APBA2: variants seen among roughly 807,000 people sequenced by gnomAD.
APBA2 encodes the protein amyloid-beta A4 precursor protein-binding family A member 2.
In APBA2, 30 loss-of-function variants were observed where a neutral mutation model predicts 75.0. The observed-to-expected ratio is 0.40, with a 90% CI of 0.30 to 0.54. The LOEUF is 0.54. Ranked by LOEUF, APBA2 falls within the 20% of genes least tolerant of loss-of-function variation. The pLI, the probability that APBA2 is intolerant of heterozygous loss-of-function variation, is 0.49. For synonymous variants in APBA2, 444 were observed against 409.6 expected (o/e 1.08, Z -1.01); for missense variants, 801 against 1,016.1 (o/e 0.79, Z 2.88).
intron 4 of APBA2, among the ~76,000 whole-genome samples, chr15:29,067,174 C>G (rs1046741154): frequency 1.3e-5 from 2 of 152,162 alleles, no homozygotes; most frequent in African/African-American, 4.8e-5. Context: ...AAGATTCACC[C>G]CATGATCCAG....
intron 2 of APBA2, among the ~76,000 whole-genome samples, chr15:28,987,725 GAGAGATATATATATATATAT>G (rs2037996309): frequency 8.4e-6 from 1 of 118,592 alleles, no homozygotes; most frequent in East Asian, 3.4e-4. Flanking sequence ...AATATGTGGA[GAGAGATATATATATATATAT>G]ATATATATTC....
At chr15:28,996,873 G>A (rs1239067037) in intron 3 of APBA2, among the ~76,000 whole-genome samples, 1 of 152,248 alleles carries the variant, frequency 6.6e-6, no homozygotes, top group Non-Finnish European at 1.5e-5. Flanking sequence ...GTGTGTCCCA[G>A]TGTGGAATCT....
rs138232890 is a variant in APBA2 at position 29,073,631 on chromosome 15, C to T, written c.952-1290C>T. On this transcript the variant is annotated intron_variant, in intron 4 of 14. Coordinates refer to ENST00000683413, the MANE Select transcript of APBA2 (RefSeq NM_001353788.2). ...CCTCCCAAAGTACTGGGATTACAGGCGTGAGCCACTGTGCCCAGCTGGTAA... is the reference window on the plus strand; with the variant it reads ...CCTCCCAAAGTACTGGGATTACAGGTGTGAGCCACTGTGCCCAGCTGGTAA... 4.5e-3 allele frequency among the ~76,000 whole-genome samples: 693 copies of T among 152,322 alleles called. 8 individuals carry two copies. The highest frequency in any genetic ancestry group is 0.016 in the African/African-American group (653 of 41,574).
Position 28,984,257 on chromosome 15 carries a change from C to T in APBA2, c.-94-11496C>T, listed in dbSNP as rs558749640. ...GGGGGAGTGAGGGCAGGGGGAGCTG[C>T]GGAGGCAGGGCTCTGAGGGCTTTAG... On this transcript the variant is annotated intron_variant, in intron 2 of 14. Coordinates refer to ENST00000683413, the MANE Select transcript of APBA2 (RefSeq NM_001353788.2). Among the ~76,000 whole-genome samples the T allele has an allele frequency of 2.8e-4, 42 of 152,162 alleles. 1 individual carries two copies. The South Asian group carries it at 7.9e-3, about 29-fold the overall frequency.
intron 1 of APBA2, among the ~76,000 whole-genome samples, chr15:28,892,235 T>C (rs143003056): frequency 0.43 from 65,254 of 151,968 alleles, 14,337 homozygotes; most frequent in Non-Finnish European, 0.47. Flanking sequence ...CCACCACGCC[T>C]GGTTAATTTT....
chr15:29,096,003 T>C (rs1398126911), intron 8 of APBA2, among the ~76,000 whole-genome samples: 1 of 152,166 alleles, frequency 6.6e-6, no homozygotes, highest in Non-Finnish European at 1.5e-5. Context: ...CTGCCGCCTT[T>C]AGAGGGGTTG....
chr15:29,063,822 G>A lies in APBA2; in HGVS notation c.951+8987G>A, dbSNP rs533587736. Reference sequence around the variant, plus strand: ...TGGGTACAGGCCATGCTGGGCAGGGGTGAGGACACTAGTGGACCTGTCCTC... The same window carrying A: ...TGGGTACAGGCCATGCTGGGCAGGGATGAGGACACTAGTGGACCTGTCCTC... On this transcript the variant is annotated intron_variant, in intron 4 of 14. Transcript: ENST00000683413. Among the ~76,000 whole-genome samples, 206 of 152,152 alleles carry A rather than the reference G, an allele frequency of 1.4e-3. 1 individual carries two copies. Among genetic ancestry groups the A allele is most frequent in the African/African-American group, 4.6e-3 (192 of 41,474 alleles).
chr15:29,062,038 A>T (rs2042150696), intron 4 of APBA2, among the ~76,000 whole-genome samples: 1 of 152,028 alleles, frequency 6.6e-6, no homozygotes. Context: ...CCTGGCCCAC[A>T]GTAGGATGGA....
rs764203983 is a variant in APBA2, at chr15:29,098,550, A to G, written c.1312A>G (p.Ile438Val). Residue 438 changes from isoleucine (I) to valine (V), a missense_variant, in exon 9 of 15, where the codon ATC becomes GTC. Coordinates refer to ENST00000683413, the MANE Select transcript of APBA2 (RefSeq NM_001353788.2). ...EVDLFISTQR[I>V]KVLNADTQET... ...GGACCTCTTCATTTCCACCCAGAGG[A>G]TCAAGGTTTTAAATGCAGACACGCA... 6.2e-7 allele frequency: 1 copy of G among 1,614,134 alleles called. No individual in the cohort carries two copies. Among genetic ancestry groups the G allele is most frequent in the Non-Finnish European group, 8.5e-7 (1 of 1,179,988 alleles).
intron 6 of APBA2, among the ~76,000 whole-genome samples, chr15:29,083,503 G>T (rs2043166214): frequency 6.6e-6 from 1 of 151,978 alleles, no homozygotes; most frequent in Admixed American, 6.6e-5. Context: ...AAACTAGCTT[G>T]TCTGGTTATT....
chr15:29,100,493 G>A (rs771989175), intron 9 of APBA2, among the ~76,000 whole-genome samples: 1 of 152,236 alleles, frequency 6.6e-6, no homozygotes, highest in Non-Finnish European at 1.5e-5. Flanking sequence ...TGAGCTTTGT[G>A]TGCAGTCTTG....
At chr15:28,922,297 C>G (rs2034011630) in intron 2 of APBA2, among the ~76,000 whole-genome samples, 1 of 152,166 alleles carries the variant, frequency 6.6e-6, no homozygotes, top group Non-Finnish European at 1.5e-5. Flanking sequence ...TGCCTTGACC[C>G]AGGTAGCCAG....
At chr15:28,997,978 G>T (rs1007230775) in intron 3 of APBA2, among the ~76,000 whole-genome samples, 8 of 152,100 alleles carry the variant, frequency 5.3e-5, no homozygotes, top group African/African-American at 1.7e-4. Flanking sequence ...CAAGGAGATG[G>T]ATATTTTTAA....
At chr15:28,951,588 T>A (rs1479232711) in intron 2 of APBA2, among the ~76,000 whole-genome samples, 1 of 151,880 alleles carries the variant, frequency 6.6e-6, no homozygotes, top group Non-Finnish European at 1.5e-5. Context: ...AGTTTTTTTT[T>A]ATTTTTTTAT....
intron 3 of APBA2, among the ~76,000 whole-genome samples, chr15:29,038,962 A>C (rs535604001): frequency 6.6e-6 from 1 of 152,106 alleles, no homozygotes; most frequent in Admixed American, 6.5e-5. Flanking sequence ...GTGAGCCACT[A>C]CGCCTGGCGC....
chr15:28,939,871 C>T (rs1179351082), intron 2 of APBA2, among the ~76,000 whole-genome samples: 1 of 152,128 alleles, frequency 6.6e-6, no homozygotes, highest in African/African-American at 2.4e-5. Flanking sequence ...AGAAACAGAG[C>T]CGTAAGGACT....
intron 2 of APBA2, among the ~76,000 whole-genome samples, chr15:28,925,379 C>A (rs1566804171): frequency 2.0e-5 from 3 of 152,124 alleles, no homozygotes; most frequent in Admixed American, 1.3e-4. Flanking sequence ...ATAATTCCAG[C>A]TTCATAAAGT....
At chr15:28,948,707 C>T (rs373197760) in intron 2 of APBA2, among the ~76,000 whole-genome samples, 8 of 152,270 alleles carry the variant, frequency 5.3e-5, no homozygotes, top group South Asian at 2.1e-4. Context: ...ATACTGTAAA[C>T]GCTGATACAG....
intron 1 of APBA2, among the ~76,000 whole-genome samples, chr15:28,900,931 C>T (rs2032812594): frequency 6.6e-6 from 1 of 152,138 alleles, no homozygotes; most frequent in African/African-American, 2.4e-5. Context: ...TGCCCTGCCC[C>T]TGGCTGGGGC....
Sources: allele counts gnomAD v4.1 joint callset (sites outside exome capture counted in the v4.1 genomes callset), GRCh38; gene constraint gnomAD v4.1.1; transcripts MANE v1.5; gene names NCBI Gene and HGNC (gene_info 2026-07-23, HGNC 2026-07-21).